The following RAB3C variants were observed in gnomAD, a reference collection of about 807,000 sequenced individuals.
RAB3C encodes ras-related protein Rab-3C.
A neutral mutation model predicts 26.4 loss-of-function variants in RAB3C; 17 were observed. The ratio of observed to expected loss-of-function variants is 0.64; its 90% CI spans 0.44 to 0.97. The LOEUF is 0.97. RAB3C is among the 50% of genes least tolerant of loss of function. The pLI is 0.00. For missense variants in RAB3C, 242 were observed against 281.9 expected (o/e 0.86, Z 1.01); for synonymous variants, 91 against 95.9 (o/e 0.95, Z 0.30).
chr5:58,632,953 T>C (rs778664456), intron 2 of RAB3C, among the ~76,000 whole-genome samples: 2 of 152,218 alleles, frequency 1.3e-5, no homozygotes, highest in African/African-American at 4.8e-5. Flanking sequence ...AGTTTTCTAT[T>C]CTAGTCTCTG....
At chr5:58,848,888 A>G (rs114621982) in intron 4 of RAB3C, among the ~76,000 whole-genome samples, 4 of 152,300 alleles carry the variant, frequency 2.6e-5, no homozygotes, top group South Asian at 2.1e-4. Flanking sequence ...TCACCATATC[A>G]TGATGTCTCC....
intron 1 of RAB3C, among the ~76,000 whole-genome samples, chr5:58,611,345 C>T (rs754196770): frequency 2.6e-5 from 4 of 152,056 alleles, no homozygotes; most frequent in Non-Finnish European, 4.4e-5. Context: ...ACACTCCTAC[C>T]GACAGTATAT....
At chr5:58,788,242 C>G (rs973239751) in intron 3 of RAB3C, 1 of 152,256 alleles carries the variant, frequency 6.6e-6, no homozygotes, top group African/African-American at 2.4e-5. Flanking sequence ...ATAAGGAGTT[C>G]ACCGTATCTT....
chr5:58,774,255 A>G (rs918002363), intron 3 of RAB3C, among the ~76,000 whole-genome samples: 2 of 152,120 alleles, frequency 1.3e-5, no homozygotes, highest in Non-Finnish European at 2.9e-5. Flanking sequence ...TGCTTCCTGT[A>G]CACATACCTG....
At chr5:58,748,660 A>C (rs1324420978) in intron 3 of RAB3C, among the ~76,000 whole-genome samples, 1 of 152,168 alleles carries the variant, frequency 6.6e-6, no homozygotes, top group Non-Finnish European at 1.5e-5. Context: ...AAATATATAC[A>C]TATGAAATAA....
At chr5:58,728,147 A>T (rs533955670) in intron 3 of RAB3C, among the ~76,000 whole-genome samples, 1 of 152,130 alleles carries the variant, frequency 6.6e-6, no homozygotes, top group African/African-American at 2.4e-5. Flanking sequence ...TTCATCCAAA[A>T]TTAGATGATC....
intron 2 of RAB3C, among the ~76,000 whole-genome samples, chr5:58,713,189 C>T (rs756482875): frequency 9.2e-5 from 14 of 152,028 alleles, no homozygotes; most frequent in Non-Finnish European, 1.8e-4. Context: ...CTCTAAACTT[C>T]AATACCTCAG....
intron 2 of RAB3C, among the ~76,000 whole-genome samples, chr5:58,627,558 C>A (rs1747086744): frequency 6.8e-6 from 1 of 147,500 alleles, no homozygotes; most frequent in Non-Finnish European, 1.5e-5. Flanking sequence ...ATTTAATTAC[C>A]CCATATTTAT....
At chr5:58,725,947 C>T (rs1740880081) in intron 2 of RAB3C, 55 bp from the exon 3 acceptor site, 8 of 1,044,296 alleles carry the variant, frequency 7.7e-6, no homozygotes, top group Middle Eastern at 2.1e-4. Flanking sequence ...TAATCACTTC[C>T]CAAAAATGTA....
chr5:58,672,092 T>G lies in RAB3C; in HGVS notation c.253-53910T>G, dbSNP rs138876650. ...CTTTTAAGATGTCTCACTATAGAGC[T>G]TTCAAGAGGGGTTACTAACGAAAAC... On this transcript the variant is annotated intron_variant, in intron 2 of 4. Transcript: ENST00000282878. Among the ~76,000 whole-genome samples, 31 of 152,304 alleles carry G rather than the reference T, an allele frequency of 2.0e-4. No homozygotes were observed. In the South Asian group the frequency reaches 5.2e-3, roughly 25 times the overall value.
chr5:58,666,744 A>G (rs1474867194), intron 2 of RAB3C, among the ~76,000 whole-genome samples: 1 of 152,198 alleles, frequency 6.6e-6, no homozygotes, highest in Non-Finnish European at 1.5e-5. Context: ...CATCTTCCCC[A>G]GGAAGAAACT....
chr5:58,591,750 C>G lies in RAB3C; in HGVS notation c.24+8518C>G, dbSNP rs113658710. Reference sequence around the variant, plus strand: ...GTCCATTTTCATATATTACAATTATCAGTATGATTGAATTTAAGTCTACCA... The same window carrying G: ...GTCCATTTTCATATATTACAATTATGAGTATGATTGAATTTAAGTCTACCA... On this transcript the variant is annotated intron_variant, in intron 1 of 4. Transcript: ENST00000282878. Among the ~76,000 whole-genome samples the G allele has an allele frequency of 3.7e-3, 559 of 150,632 alleles. 4 individuals carry two copies. Among genetic ancestry groups the G allele is most frequent in the African/African-American group, 0.013 (525 of 41,248 alleles).
chr5:58,635,549 G>A (rs292985), intron 2 of RAB3C, among the ~76,000 whole-genome samples: 123,248 of 152,154 alleles, frequency 0.81, 50,191 homozygotes, highest in African/African-American at 0.87. Context: ...CATCCTGGGA[G>A]TCAAAATCAG....
chr5:58,792,814 TAC>T (rs920270682), intron 3 of RAB3C, among the ~76,000 whole-genome samples: 1 of 151,976 alleles, frequency 6.6e-6, no homozygotes. Flanking sequence ...TGTGTATATA[TAC>T]ACACACACAA....
intron 3 of RAB3C, among the ~76,000 whole-genome samples, chr5:58,797,593 G>A (rs1422657909): frequency 6.6e-6 from 1 of 151,842 alleles, no homozygotes; most frequent in Non-Finnish European, 1.5e-5. Context: ...TCAGATTGGT[G>A]GAGATGTCTG....
chr5:58,636,907 C>A (rs1747301620), intron 2 of RAB3C, among the ~76,000 whole-genome samples: 1 of 151,994 alleles, frequency 6.6e-6, no homozygotes, highest in Admixed American at 6.6e-5. Context: ...ATATTCAATA[C>A]ATCACATAAA....
chr5:58,658,552 T>C (rs903140659), intron 2 of RAB3C, among the ~76,000 whole-genome samples: 6 of 152,210 alleles, frequency 3.9e-5, no homozygotes, highest in Non-Finnish European at 7.3e-5. Context: ...ACATTCCTTA[T>C]TGTTTGCATC....
chr5:58,795,283 A>T (rs1254416545), intron 3 of RAB3C, among the ~76,000 whole-genome samples: 2 of 152,128 alleles, frequency 1.3e-5, no homozygotes, highest in Non-Finnish European at 2.9e-5. Flanking sequence ...TAAATTACCC[A>T]GTTTCGGGTA....
chr5:58,705,383 A>G (rs13356606), intron 2 of RAB3C, among the ~76,000 whole-genome samples: 7,615 of 152,238 alleles, frequency 0.05, 643 homozygotes, highest in African/African-American at 0.17. Context: ...TCTTATGGTC[A>G]GGAGTTTTGC....
Sources: gnomAD v4.1 joint callset for allele counts (sites outside exome capture counted in the v4.1 genomes callset) on GRCh38, gnomAD v4.1.1 for gene constraint, MANE v1.5 for transcripts, NCBI Gene and HGNC (gene_info 2026-07-23, HGNC 2026-07-21) for gene names.